The following SRPK2 variants were observed in gnomAD, a reference collection of about 807,000 sequenced individuals.
SRPK2 encodes SRSF protein kinase 2.
A neutral mutation model predicts 90.8 loss-of-function variants in SRPK2; 21 were observed. The observed-to-expected ratio is 0.23, with a 90% CI of 0.16 to 0.33. The LOEUF (loss-of-function observed/expected upper bound fraction) is 0.33. SRPK2 is among the 10% of genes least tolerant of loss of function. The probability of loss-of-function intolerance (pLI) is 1.00; values close to 1 mark genes in which losing one functional copy is unlikely to be tolerated. For missense variants in SRPK2, 620 were observed against 869.0 expected (o/e 0.71, Z 3.60); for synonymous variants, 288 against 311.1 (o/e 0.93, Z 0.78).
chr7:105,239,052 C>G (rs1800484654), intron 2 of SRPK2, among the ~76,000 whole-genome samples: 1 of 152,120 alleles, frequency 6.6e-6, no homozygotes, highest in South Asian at 2.1e-4. Context: ...AATAAGCAAG[C>G]CAAAAAACAT....
At chr7:105,243,243 A>G (rs1801058230) in intron 2 of SRPK2, among the ~76,000 whole-genome samples, 1 of 152,156 alleles carries the variant, frequency 6.6e-6, no homozygotes, top group South Asian at 2.1e-4. Flanking sequence ...GCTTCAAGCA[A>G]TCCTTCCCCA....
intron 2 of SRPK2, among the ~76,000 whole-genome samples, chr7:105,370,914 C>T (rs1284191888): frequency 6.6e-6 from 1 of 151,874 alleles, no homozygotes; most frequent in Non-Finnish European, 1.5e-5. Flanking sequence ...CTGCGCCCGG[C>T]CGGATTATTA....
chr7:105,275,694 T>G (rs1387496817), intron 2 of SRPK2, among the ~76,000 whole-genome samples: 1 of 152,146 alleles, frequency 6.6e-6, no homozygotes, highest in African/African-American at 2.4e-5. Context: ...GAGTAGCAGA[T>G]TACCAGTAAC....
chr7:105,157,959 G>C (rs1806778397), intron 7 of SRPK2, among the ~76,000 whole-genome samples: 1 of 152,144 alleles, frequency 6.6e-6, no homozygotes, highest in South Asian at 2.1e-4. Context: ...CCAGCTACTA[G>C]GGAGGCTGAG....
intron 1 of SRPK2, among the ~76,000 whole-genome samples, chr7:105,396,383 A>C (rs1420082671): frequency 6.7e-6 from 1 of 149,870 alleles, no homozygotes; most frequent in Non-Finnish European, 1.5e-5. Context: ...CATGCCTGTA[A>C]TCCCAGCACT....
At chr7:105,232,364 C>T (rs1799530947) in intron 2 of SRPK2, among the ~76,000 whole-genome samples, 2 of 150,744 alleles carry the variant, frequency 1.3e-5, no homozygotes, top group African/African-American at 4.9e-5. Flanking sequence ...GAGGCTGAGA[C>T]AGGAGAATCG....
chr7:105,370,383 T>G (rs1167730758), intron 2 of SRPK2, among the ~76,000 whole-genome samples: 2 of 152,100 alleles, frequency 1.3e-5, no homozygotes, highest in African/African-American at 4.8e-5. Context: ...CCACACTATA[T>G]GTTCACAAAG....
chr7:105,205,052 CA>C (rs1455932542), intron 2 of SRPK2, among the ~76,000 whole-genome samples: 2 of 152,174 alleles, frequency 1.3e-5, no homozygotes, highest in Non-Finnish European at 2.9e-5. Flanking sequence ...AATGCAAGCT[CA>C]TCTGTAGCTG....
At chr7:105,188,883 G>C (rs1315186409) in intron 3 of SRPK2, among the ~76,000 whole-genome samples, 1 of 152,164 alleles carries the variant, frequency 6.6e-6, no homozygotes, top group Admixed American at 6.5e-5. Flanking sequence ...TTGGTGGATA[G>C]CCCCAACTAA....
intron 2 of SRPK2, among the ~76,000 whole-genome samples, chr7:105,207,306 C>A (rs17145071): frequency 0.047 from 7,193 of 152,156 alleles, 564 homozygotes; most frequent in African/African-American, 0.16. Context: ...CTGGCCAAGG[C>A]TGGCTTCTTT....
intron 2 of SRPK2, among the ~76,000 whole-genome samples, chr7:105,248,035 G>C (rs528624108): frequency 6.6e-6 from 1 of 152,152 alleles, no homozygotes; most frequent in South Asian, 2.1e-4. Flanking sequence ...TGTATTTTTA[G>C]TAGAGAGGGG....
chr7:105,239,316 A>G (rs916167095), intron 2 of SRPK2, among the ~76,000 whole-genome samples: 147 of 152,264 alleles, frequency 9.7e-4, no homozygotes, highest in Non-Finnish European at 5.9e-4. Context: ...ACAATTTAAC[A>G]TCAGAAAGCA....
intron 11 of SRPK2, among the ~76,000 whole-genome samples, chr7:105,141,472 ATC>A (rs1803767054): frequency 6.6e-6 from 1 of 152,206 alleles, no homozygotes; most frequent in African/African-American, 2.4e-5. Flanking sequence ...CCAATCTATA[ATC>A]TGTCATCACA....
At chr7:105,161,206 T>C (rs1230362501) in intron 6 of SRPK2, among the ~76,000 whole-genome samples, 1 of 152,192 alleles carries the variant, frequency 6.6e-6, no homozygotes, top group East Asian at 1.9e-4. Context: ...ATTACAGGCA[T>C]GAGCCACCGT....
rs191709256 is a variant in SRPK2 at position 105,316,432 on chromosome 7, T to C, written c.71+72216A>G. Among the ~76,000 whole-genome samples the C allele has an allele frequency of 4.7e-3, 723 of 152,300 alleles. 7 individuals carry two copies. Among genetic ancestry groups the C allele is most frequent in the Non-Finnish European group, 7.6e-3 (519 of 68,028 alleles). ...CCTGGTATCTACTCACTTACACTACTTTACCTCCAAGCTAAGTAAGCACTT... is the reference window on the plus strand; with the variant it reads ...CCTGGTATCTACTCACTTACACTACCTTACCTCCAAGCTAAGTAAGCACTT... On this transcript the variant is annotated intron_variant, in intron 2 of 15. Transcript: ENST00000393651.
intron 2 of SRPK2, among the ~76,000 whole-genome samples, chr7:105,351,572 GCAGGAGGATCACCTGAGGT>G (rs1317960433): frequency 6.6e-6 from 1 of 151,980 alleles, no homozygotes; most frequent in Non-Finnish European, 1.5e-5. Flanking sequence ...GGTGGCCGAG[GCAGGAGGATCACCTGAGGT>G]CAGGAGTTTA....
chr7:105,326,777 G>T lies in SRPK2; in HGVS notation c.71+61871C>A, dbSNP rs948577551. ...GCAAGTGTTTTTGTAAAGAATTAAA[G>T]GTGGCCGGGCGCGGTGGCTCACGCC... On this transcript the variant is annotated intron_variant, in intron 2 of 15. Transcript: ENST00000393651. Among the ~76,000 whole-genome samples, 5 of 152,268 alleles carry T rather than the reference G, an allele frequency of 3.3e-5. No individual in the cohort carries two copies. The South Asian group carries it at 6.2e-4, about 19-fold the overall frequency.
rs923222492 is a variant in SRPK2 at position 105,332,969 on chromosome 7, G to T, written c.71+55679C>A. The T allele has an allele frequency of 3.9e-5, 6 of 152,212 alleles. 1 individual carries two copies. Among genetic ancestry groups the T allele is most frequent in the African/African-American group, 1.4e-4 (6 of 41,522 alleles). The allele number at this position is 152,212 out of a possible 1,614,324, so 9.4% of individuals were successfully genotyped here. A position where few individuals can be genotyped will look rare whatever the true frequency, so the allele number is the denominator to read the frequency against. On this transcript the variant is annotated intron_variant, in intron 2 of 15. Transcript: ENST00000393651. Reference sequence around the variant, plus strand: ...CCAGCCCTTTGGGAGGCCAAGGTGGGTAGGTCACGAGGTCAGGACTTGGAG... The same window carrying T: ...CCAGCCCTTTGGGAGGCCAAGGTGGTTAGGTCACGAGGTCAGGACTTGGAG...
At chr7:105,162,095 G>A (rs889516611) in intron 6 of SRPK2, among the ~76,000 whole-genome samples, 1 of 152,160 alleles carries the variant, frequency 6.6e-6, no homozygotes, top group African/African-American at 2.4e-5. Context: ...AGGCTGGAGT[G>A]CAGTGGCACG....
Sources: allele counts gnomAD v4.1 joint callset (sites outside exome capture counted in the v4.1 genomes callset), GRCh38; gene constraint gnomAD v4.1.1; transcripts MANE v1.5; gene names NCBI Gene and HGNC (gene_info 2026-07-23, HGNC 2026-07-21).